The following IFT56 variants were observed in gnomAD, a reference collection of about 807,000 sequenced individuals.
The protein encoded by IFT56 is intraflagellar transport protein 56.
At chr7:139,176,742 T>G in the IFT56 span, among the ~76,000 whole-genome samples, 2 of 152,188 alleles carry the variant, frequency 1.3e-5, no homozygotes, top group Non-Finnish European at 2.9e-5. Flanking sequence ...CCAGCACTGG[T>G]TATTTAGTTC....
At chr7:139,182,653 C>A in the IFT56 span, among the ~76,000 whole-genome samples, 1 of 152,026 alleles carries the variant, frequency 6.6e-6, no homozygotes, top group Non-Finnish European at 1.5e-5. Flanking sequence ...GCAGCAGGAG[C>A]AGCAACAGCC....
At chr7:139,152,129 T>G in the IFT56 span, among the ~76,000 whole-genome samples, 1 of 152,178 alleles carries the variant, frequency 6.6e-6, no homozygotes, top group Non-Finnish European at 1.5e-5. Flanking sequence ...TTTAAAAAAT[T>G]TATCTACTTA....
At chr7:139,156,702 C>G in the IFT56 span, among the ~76,000 whole-genome samples, 1 of 151,982 alleles carries the variant, frequency 6.6e-6, no homozygotes, top group African/African-American at 2.4e-5. Context: ...ATGAGAATAA[C>G]TCATTGTTTC....
At chr7:139,141,978 C>A in the IFT56 span, among the ~76,000 whole-genome samples, 2 of 152,164 alleles carry the variant, frequency 1.3e-5, no homozygotes, top group Non-Finnish European at 2.9e-5. Context: ...GCTACTACAA[C>A]CATGTGTGTG....
the IFT56 span, among the ~76,000 whole-genome samples, chr7:139,153,693 G>A: frequency 1.3e-5 from 2 of 152,026 alleles, no homozygotes; most frequent in East Asian, 1.9e-4. Context: ...ATAATATTTC[G>A]TTTTATGAAT....
chr7:139,179,671 A>G, the IFT56 span: 2 of 1,547,868 alleles, frequency 1.3e-6, no homozygotes, highest in Non-Finnish European at 8.9e-7. Context: ...AAATATTACA[A>G]GAAGAATCCT....
At chr7:139,141,057 G>A in the IFT56 span, among the ~76,000 whole-genome samples, 3 of 150,986 alleles carry the variant, frequency 2.0e-5, no homozygotes, top group East Asian at 2.0e-4. Context: ...TCAGGAGATC[G>A]AGACCATCCT....
chr7:139,153,383 G>A, the IFT56 span, among the ~76,000 whole-genome samples: 1 of 151,808 alleles, frequency 6.6e-6, no homozygotes, highest in African/African-American at 2.4e-5. Context: ...TCTGGGAGGC[G>A]GAGGTTGCAG....
the IFT56 span, among the ~76,000 whole-genome samples, chr7:139,181,506 A>G: frequency 2.0e-5 from 3 of 152,238 alleles, no homozygotes; most frequent in African/African-American, 7.2e-5. Flanking sequence ...TCTGAAGCTC[A>G]AGAAAAATGT....
At chr7:139,183,787 A>G in the IFT56 span, among the ~76,000 whole-genome samples, 2 of 152,228 alleles carry the variant, frequency 1.3e-5, no homozygotes, top group Non-Finnish European at 2.9e-5. Flanking sequence ...ATGAAAACCT[A>G]TATCCACAGA....
At chr7:139,174,850 A>G in the IFT56 span, among the ~76,000 whole-genome samples, 1 of 151,948 alleles carries the variant, frequency 6.6e-6, no homozygotes, top group Admixed American at 6.6e-5. Flanking sequence ...GTGAAACTCC[A>G]TCTCTACTAA....
chr7:139,178,261 A>G, the IFT56 span: 1 of 1,614,074 alleles, frequency 6.2e-7, no homozygotes, highest in African/African-American at 1.3e-5. Context: ...CTTCCTGCTT[A>G]AGCAATTTGA....
the IFT56 span, chr7:139,160,899 A>C: frequency 1.4e-6 from 2 of 1,409,092 alleles, no homozygotes; most frequent in Non-Finnish European, 2.0e-6. Context: ...ATGTGGTATA[A>C]GAACTATACA....
the IFT56 span, among the ~76,000 whole-genome samples, chr7:139,145,912 T>A: frequency 6.6e-6 from 1 of 152,162 alleles, no homozygotes; most frequent in African/African-American, 2.4e-5. Flanking sequence ...AATAGCAAAT[T>A]GCATACACAC....
At chr7:139,144,070 A>T in the IFT56 span, among the ~76,000 whole-genome samples, 1 of 152,078 alleles carries the variant, frequency 6.6e-6, no homozygotes, top group Non-Finnish European at 1.5e-5. Context: ...ATATTCATTT[A>T]TAATTAGCCA....
At chr7:139,191,298 A>G in the IFT56 span, 2 of 152,190 alleles carry the variant, frequency 1.3e-5, no homozygotes, top group Admixed American at 6.5e-5. Context: ...AATGGCTCTC[A>G]GCATCTTAGG....
the IFT56 span, chr7:139,173,938 C>A: frequency 1.4e-6 from 1 of 692,356 alleles, no homozygotes; most frequent in Non-Finnish European, 2.7e-6. Context: ...ATATCACTTT[C>A]TTCACTTATT....
the IFT56 span, chr7:139,178,373 C>G: frequency 6.8e-7 from 1 of 1,474,284 alleles, no homozygotes; most frequent in Non-Finnish European, 9.4e-7. Flanking sequence ...GATAAGATAC[C>G]CTTAGAGATG....
chr7:139,166,882 C>T, the IFT56 span: 98 of 1,583,396 alleles, frequency 6.2e-5, no homozygotes, highest in Non-Finnish European at 8.3e-5. Flanking sequence ...GATCTGGAAC[C>T]TACTACTCCT....
Sources: allele counts gnomAD v4.1 joint callset (sites outside exome capture counted in the v4.1 genomes callset), GRCh38; gene constraint gnomAD v4.1.1; transcripts MANE v1.5; gene names NCBI Gene and HGNC (gene_info 2026-07-23, HGNC 2026-07-21).